Variants in TENM1 observed in about 807,000 individuals in gnomAD.
The protein encoded by TENM1 is teneurin transmembrane protein 1, also known as teneurin-1.
TENM1 carries 35 observed loss-of-function variants against 174.8 expected under a neutral mutation model. That is an observed-to-expected ratio of 0.20 (90% CI 0.15 to 0.27). TENM1 has a LOEUF of 0.27. Among genes scored for constraint, TENM1 ranks in the 10% least tolerant of loss-of-function variants. The probability of loss-of-function intolerance (pLI) is 1.00; values close to 1 mark genes in which losing one functional copy is unlikely to be tolerated. For synonymous variants in TENM1, 781 were observed against 798.7 expected, an observed-to-expected ratio of 0.98 and a Z score of 0.37; for missense variants, 1,633 against 2,130.1, an observed-to-expected ratio of 0.77 and a Z score of 4.59.
At chrX:125,066,318 A>C in the TENM1 span, among the ~76,000 whole-genome samples, 3 of 111,731 alleles carry the variant, frequency 2.7e-5, no homozygotes, top group Admixed American at 2.9e-4. Flanking sequence ...TCTATCTACT[A>C]CTGACATTTA....
intron 11 of TENM1, among the ~76,000 whole-genome samples, chrX:124,600,169 G>A (rs930911871): frequency 6.4e-5 from 7 of 110,114 alleles, no homozygotes; most frequent in Non-Finnish European, 1.1e-4. Flanking sequence ...TAAATACCAC[G>A]CCGAGAAAAG....
the TENM1 span, among the ~76,000 whole-genome samples, chrX:125,165,802 A>G: frequency 1.8e-5 from 2 of 111,681 alleles, no homozygotes; most frequent in East Asian, 2.8e-4. Flanking sequence ...CACATTTTCA[A>G]GCCATCATGG....
At chrX:124,583,325 C>T (rs191052847) in intron 11 of TENM1, among the ~76,000 whole-genome samples, 2 of 111,439 alleles carry the variant, frequency 1.8e-5, no homozygotes, top group African/African-American at 6.5e-5. Flanking sequence ...CCGGGTACTC[C>T]TCTGAGACAA....
chrX:124,612,102 G>A (rs951306891), intron 11 of TENM1, among the ~76,000 whole-genome samples: 5 of 111,848 alleles, frequency 4.5e-5, no homozygotes, highest in Admixed American at 9.5e-5. Flanking sequence ...TAGTTTTTAC[G>A]AAGAACATTT....
chrX:124,760,806 G>A (rs1182212775), intron 3 of TENM1, among the ~76,000 whole-genome samples: 3 of 111,234 alleles, frequency 2.7e-5, no homozygotes, highest in Non-Finnish European at 5.7e-5. Flanking sequence ...TCTGACAGAG[G>A]GCTAATATCC....
the TENM1 span, among the ~76,000 whole-genome samples, chrX:125,020,005 G>GT: frequency 9.0e-6 from 1 of 110,614 alleles, no homozygotes; most frequent in East Asian, 2.8e-4. Context: ...CCACGTTAGA[G>GT]TTAATGTTAT....
At chrX:124,599,426 G>A (rs1341900170) in intron 11 of TENM1, among the ~76,000 whole-genome samples, 2 of 111,057 alleles carry the variant, frequency 1.8e-5, no homozygotes, top group Non-Finnish European at 3.8e-5. Flanking sequence ...CACGGGCAGA[G>A]ATTAAATTTT....
At chrX:125,136,359 A>C in the TENM1 span, among the ~76,000 whole-genome samples, 107 of 111,707 alleles carry the variant, frequency 9.6e-4, 2 homozygotes, top group African/African-American at 3.4e-3. Flanking sequence ...TTGCACATCT[A>C]CTACACACTC....
chrX:124,759,769 A>T, intron 3 of TENM1, among the ~76,000 whole-genome samples: 1 of 112,295 alleles, frequency 8.9e-6, no homozygotes. Context: ...CTGGAGATAT[A>T]CATCCATATT....
intron 3 of TENM1, among the ~76,000 whole-genome samples, chrX:124,741,048 A>G (rs1366281812): frequency 1.8e-5 from 2 of 111,845 alleles, no homozygotes; most frequent in Non-Finnish European, 3.8e-5. Context: ...CTTGGATAGT[A>G]GCCAGTTTCA....
chrX:124,512,373 TC>T (rs2047604329), intron 18 of TENM1, among the ~76,000 whole-genome samples: 1 of 111,070 alleles, frequency 9.0e-6, no homozygotes, highest in Non-Finnish European at 1.9e-5. Flanking sequence ...TTATTTAGAG[TC>T]AAAGAATAAA....
chrX:124,916,417 C>A (rs897114003), intron 1 of TENM1, among the ~76,000 whole-genome samples: 3 of 111,187 alleles, frequency 2.7e-5, no homozygotes, highest in Admixed American at 1.9e-4. Context: ...AAGTGATTCT[C>A]CCAACTCAGT....
chrX:125,190,217 G>A, the TENM1 span, among the ~76,000 whole-genome samples: 18 of 111,950 alleles, frequency 1.6e-4, no homozygotes, highest in Admixed American at 1.9e-4. Flanking sequence ...ATTGGCTGAA[G>A]CTTCTTTTCT....
chrX:124,474,963 C>G (rs768486194), intron 22 of TENM1, among the ~76,000 whole-genome samples: 9 of 111,556 alleles, frequency 8.1e-5, no homozygotes, highest in Non-Finnish European at 1.7e-4. Context: ...AAGGCTTTAT[C>G]AAACATGTTT....
intron 3 of TENM1, among the ~76,000 whole-genome samples, chrX:124,882,682 T>C (rs1453404933): frequency 8.9e-6 from 1 of 112,374 alleles, no homozygotes; most frequent in Admixed American, 9.4e-5. Context: ...TTCTCTGATA[T>C]GAGTAATGTG....
chrX:124,694,691 G>A (rs980760987), intron 5 of TENM1, among the ~76,000 whole-genome samples: 2 of 111,861 alleles, frequency 1.8e-5, no homozygotes, highest in African/African-American at 6.5e-5. Flanking sequence ...CTCTAATAAT[G>A]GGTATGAAAT....
the TENM1 span, among the ~76,000 whole-genome samples, chrX:124,995,381 G>A: frequency 9.0e-6 from 1 of 111,080 alleles, no homozygotes. Context: ...CCAGCCCAGT[G>A]CCTTGTTCTT....
intron 11 of TENM1, 51 bp from the exon 15 acceptor site, chrX:124,565,611 TC>T (rs1375320549): frequency 3.4e-6 from 3 of 889,574 alleles, no homozygotes; most frequent in Non-Finnish European, 3.0e-6. Flanking sequence ...AAAACCAGCA[TC>T]CATTCTTCCA....
the TENM1 span, among the ~76,000 whole-genome samples, chrX:125,144,734 G>A: frequency 5.2e-5 from 5 of 96,544 alleles, no homozygotes; most frequent in South Asian, 2.7e-3. Context: ...CCTGGCAGGT[G>A]CTCATAATTT....
Sources: gnomAD v4.1 joint callset for allele counts (sites outside exome capture counted in the v4.1 genomes callset) on GRCh38, gnomAD v4.1.1 for gene constraint, MANE v1.5 for transcripts, NCBI Gene and HGNC (gene_info 2026-07-23, HGNC 2026-07-21) for gene names.